The following GALNTL6 variants were observed in gnomAD, a reference collection of about 807,000 sequenced individuals.
GALNTL6 encodes the protein polypeptide N-acetylgalactosaminyltransferase like 6, also known as polypeptide N-acetylgalactosaminyltransferase-like 6.
A neutral mutation model predicts 73.7 loss-of-function variants in GALNTL6; 46 were observed. The observed-to-expected ratio is 0.62, with a 90% CI of 0.49 to 0.80. The LOEUF is 0.80. GALNTL6 is among the 30% of genes least tolerant of loss of function. GALNTL6 has a pLI of 0.00. For missense variants in GALNTL6, 604 were observed against 755.0 expected, an observed-to-expected ratio of 0.80 and a Z score of 2.34; for synonymous variants, 259 against 263.7, an observed-to-expected ratio of 0.98 and a Z score of 0.17.
rs534737783 is a variant in GALNTL6 at position 171,924,973 on chromosome 4, C to T, written c.138+110255C>T. On this transcript the variant is annotated intron_variant, in intron 2 of 12. Coordinates refer to ENST00000506823, the MANE Select transcript of GALNTL6 (RefSeq NM_001034845.3). ...TTGTATCTTAGAAGCTGGAAAACTC[C>T]GTGGGCACTTATCCAAGCCTAGTGG... 2.4e-4 allele frequency among the ~76,000 whole-genome samples: 37 copies of T among 152,252 alleles called. No individual in the cohort carries two copies. In the South Asian group the frequency reaches 6.6e-3, roughly 27 times the overall value.
intron 3 of GALNTL6, among the ~76,000 whole-genome samples, chr4:172,253,339 G>T (rs1483264068): frequency 6.6e-6 from 1 of 151,824 alleles, no homozygotes; most frequent in South Asian, 2.1e-4. Flanking sequence ...TTGGGGGTGA[G>T]AAAGATCTAA....
At chr4:172,331,263 A>G (rs1446860098) in intron 4 of GALNTL6, among the ~76,000 whole-genome samples, 1 of 151,840 alleles carries the variant, frequency 6.6e-6, no homozygotes, top group East Asian at 1.9e-4. Context: ...TCTTGTAAAA[A>G]AAAAAAAAAG....
At chr4:172,757,869 A>G (rs149855823) in intron 5 of GALNTL6, among the ~76,000 whole-genome samples, 7 of 152,356 alleles carry the variant, frequency 4.6e-5, no homozygotes, top group Admixed American at 1.3e-4. Flanking sequence ...AATCATAAAA[A>G]TAGAAAAAGG....
intron 4 of GALNTL6, among the ~76,000 whole-genome samples, chr4:172,337,255 A>G (rs1248511495): frequency 6.6e-6 from 1 of 152,020 alleles, no homozygotes; most frequent in Non-Finnish European, 1.5e-5. Context: ...AAGTAGGACC[A>G]TGTACCTTCA....
chr4:172,587,375 T>G (rs2110989238), intron 5 of GALNTL6, among the ~76,000 whole-genome samples: 1 of 152,340 alleles, frequency 6.6e-6, no homozygotes, highest in Admixed American at 6.5e-5. Context: ...TCCAGTTTCA[T>G]TTTGTCCTAT....
chr4:172,161,201 C>T (rs1375782703), intron 2 of GALNTL6, among the ~76,000 whole-genome samples: 4 of 151,720 alleles, frequency 2.6e-5, no homozygotes, highest in Non-Finnish European at 4.4e-5. Flanking sequence ...GCAGTGGTCT[C>T]TTATGTAACC....
At chr4:172,354,242 A>G (rs1052348597) in intron 5 of GALNTL6, among the ~76,000 whole-genome samples, 2 of 152,164 alleles carry the variant, frequency 1.3e-5, no homozygotes, top group African/African-American at 2.4e-5. Flanking sequence ...TCTTGGAGTT[A>G]TTTAGATTTA....
At chr4:172,270,566 G>A (rs971240889) in intron 3 of GALNTL6, among the ~76,000 whole-genome samples, 1 of 152,020 alleles carries the variant, frequency 6.6e-6, no homozygotes, top group Non-Finnish European at 1.5e-5. Flanking sequence ...TATCACCTAC[G>A]GCTTCTCTGC....
At chr4:172,564,751 G>A (rs762903377) in intron 5 of GALNTL6, among the ~76,000 whole-genome samples, 14 of 152,334 alleles carry the variant, frequency 9.2e-5, no homozygotes, top group South Asian at 2.1e-4. Flanking sequence ...GTGATCTCTA[G>A]TGGGTCCTCT....
Position 172,229,717 on chromosome 4 carries a change from A to G in GALNTL6, c.200A>G (p.Lys67Arg), listed in dbSNP as rs2110967483. ...FYSWTDGLRRKDWHDYESIQK... is the reference protein window; with the variant it reads ...FYSWTDGLRRRDWHDYESIQK... Reference sequence around the variant, plus strand: ...TCATGGACAGATGGTTTGAGAAGAAAGGACTGGCATGACTATGAAAGCATT... The same window carrying G: ...TCATGGACAGATGGTTTGAGAAGAAGGGACTGGCATGACTATGAAAGCATT... The change falls in exon 3 of 13, where the codon AAG (lysine) becomes AGG (arginine). Residue 67 changes from lysine to arginine, a missense_variant. Coordinates refer to ENST00000506823, the MANE Select transcript of GALNTL6 (RefSeq NM_001034845.3). 6.2e-7 allele frequency: 1 copy of G among 1,614,004 alleles called. No homozygotes were observed. The highest frequency in any genetic ancestry group is 2.2e-5 in the East Asian group (1 of 44,864).
At position 171,898,329 on chromosome 4, in the gene GALNTL6, AT is replaced by A. The variant is rs1736986678; in HGVS notation, c.138+83612del. On this transcript the variant is annotated intron_variant, in intron 2 of 12. Transcript: ENST00000506823. ...TTTGACATTTAATCATACACTTAGCATGCGATTCAACAATCTTATTCCTAGG... is the reference window on the plus strand; with the variant it reads ...TTTGACATTTAATCATACACTTAGCAGCGATTCAACAATCTTATTCCTAGG... 4.6e-5 allele frequency among the ~76,000 whole-genome samples: 7 copies of A among 152,306 alleles called. No individual in the cohort carries two copies. The South Asian group carries it at 1.4e-3, about 32-fold the overall frequency.
chr4:173,005,427 T>C (rs1303231017), intron 10 of GALNTL6, among the ~76,000 whole-genome samples: 1 of 152,164 alleles, frequency 6.6e-6, no homozygotes, highest in East Asian at 1.9e-4. Flanking sequence ...GTCCTAAGTT[T>C]GGGCCCATGT....
At chr4:172,889,070 C>T (rs999852219) in intron 8 of GALNTL6, among the ~76,000 whole-genome samples, 4 of 151,980 alleles carry the variant, frequency 2.6e-5, no homozygotes, top group Non-Finnish European at 5.9e-5. Context: ...TGAATGTTAT[C>T]GGTGTATAAA....
intron 5 of GALNTL6, among the ~76,000 whole-genome samples, chr4:172,429,041 G>A (rs1731333160): frequency 1.3e-5 from 2 of 151,970 alleles, no homozygotes; most frequent in Admixed American, 6.6e-5. Context: ...TGGTTAAGAC[G>A]TCTTCTCACT....
intron 5 of GALNTL6, among the ~76,000 whole-genome samples, chr4:172,697,947 T>C (rs1460047027): frequency 6.6e-6 from 1 of 152,188 alleles, no homozygotes; most frequent in Non-Finnish European, 1.5e-5. Flanking sequence ...CATGACAGCC[T>C]GGTCACTCTA....
intron 8 of GALNTL6, among the ~76,000 whole-genome samples, chr4:172,918,233 CT>C (rs1298080772): frequency 6.6e-6 from 1 of 151,786 alleles, no homozygotes; most frequent in African/African-American, 2.4e-5. Flanking sequence ...ACATTGGGGC[CT>C]GTTGTGGGGT....
At chr4:172,594,871 C>A (rs555000434) in intron 5 of GALNTL6, among the ~76,000 whole-genome samples, 2 of 152,154 alleles carry the variant, frequency 1.3e-5, no homozygotes, top group Non-Finnish European at 2.9e-5. Context: ...TCAGTCTGTT[C>A]TAGCTGCTAT....
At chr4:172,582,778 A>T (rs576745850) in intron 5 of GALNTL6, among the ~76,000 whole-genome samples, 16 of 144,984 alleles carry the variant, frequency 1.1e-4, no homozygotes, top group South Asian at 8.6e-4. Context: ...ACACACACAC[A>T]CTCAACGTTC....
chr4:172,136,436 C>A (rs949040807), intron 2 of GALNTL6, among the ~76,000 whole-genome samples: 9 of 151,962 alleles, frequency 5.9e-5, no homozygotes, highest in African/African-American at 2.2e-4. Flanking sequence ...TTAGTCTCCT[C>A]ATATGTAAAA....
Sources: allele counts gnomAD v4.1 joint callset (sites outside exome capture counted in the v4.1 genomes callset), GRCh38; gene constraint gnomAD v4.1.1; transcripts MANE v1.5; gene names NCBI Gene and HGNC (gene_info 2026-07-23, HGNC 2026-07-21).